The following VTI1A variants were observed in gnomAD, a reference collection of about 807,000 sequenced individuals.
VTI1A encodes vesicle transport through interaction with t-SNAREs homolog 1A.
Under a neutral mutation model 34.9 loss-of-function variants are expected in VTI1A, and 22 were observed. That is an observed-to-expected ratio of 0.63 (90% CI 0.45 to 0.90). VTI1A has a LOEUF of 0.90. VTI1A is among the 40% of genes least tolerant of loss of function. The pLI is 0.00. For missense variants in VTI1A, 268 were observed against 275.6 expected, an observed-to-expected ratio of 0.97 and a Z score of 0.20; for synonymous variants, 87 against 97.3, an observed-to-expected ratio of 0.89 and a Z score of 0.62.
chr10:112,461,545 T>C (rs1847727962), intron 2 of VTI1A, among the ~76,000 whole-genome samples: 1 of 152,226 alleles, frequency 6.6e-6, no homozygotes, highest in Non-Finnish European at 1.5e-5. Flanking sequence ...CCTAGTTTGC[T>C]AAACTCAGAG....
At chr10:112,596,610 AT>A (rs1249765808) in intron 5 of VTI1A, among the ~76,000 whole-genome samples, 2 of 152,148 alleles carry the variant, frequency 1.3e-5, no homozygotes, top group East Asian at 3.9e-4. Context: ...AAGATTTTTA[AT>A]GTATTATACC....
intron 5 of VTI1A, among the ~76,000 whole-genome samples, chr10:112,577,636 A>G (rs1843759124): frequency 6.6e-6 from 1 of 152,252 alleles, no homozygotes; most frequent in East Asian, 1.9e-4. Context: ...AGCTTCTAAT[A>G]TGTTCTTATT....
intron 7 of VTI1A, among the ~76,000 whole-genome samples, chr10:112,711,549 C>T (rs558040407): frequency 6.6e-6 from 1 of 152,324 alleles, no homozygotes; most frequent in South Asian, 2.1e-4. Context: ...TGGTGAGCTT[C>T]AGGCCATACT....
intron 7 of VTI1A, among the ~76,000 whole-genome samples, chr10:112,743,250 G>GC (rs1460767525): frequency 6.6e-6 from 1 of 152,154 alleles, no homozygotes; most frequent in African/African-American, 2.4e-5. Context: ...GCAACAATGA[G>GC]CAGACCCATT....
At chr10:112,707,477 G>T (rs1200869551) in intron 7 of VTI1A, among the ~76,000 whole-genome samples, 2 of 152,058 alleles carry the variant, frequency 1.3e-5, no homozygotes, top group African/African-American at 4.8e-5. Context: ...GGGATTACAG[G>T]CACGCGCCCC....
intron 7 of VTI1A, among the ~76,000 whole-genome samples, chr10:112,798,831 C>G (rs1199705873): frequency 6.6e-6 from 1 of 152,172 alleles, no homozygotes; most frequent in Non-Finnish European, 1.5e-5. Context: ...CAAGAGAGAC[C>G]TCTGGCTTTC....
intron 7 of VTI1A, among the ~76,000 whole-genome samples, chr10:112,809,523 C>G (rs1027279152): frequency 3.9e-5 from 6 of 152,200 alleles, no homozygotes; most frequent in Non-Finnish European, 7.3e-5. Context: ...GGATGCTGCT[C>G]TGAACCTGTA....
intron 5 of VTI1A, among the ~76,000 whole-genome samples, chr10:112,544,807 A>C (rs1308611881): frequency 1.3e-5 from 2 of 152,160 alleles, no homozygotes; most frequent in African/African-American, 4.8e-5. Flanking sequence ...GAATGTGCTC[A>C]GGATGTTCAG....
chr10:112,687,850 C>A (rs1164532967), intron 7 of VTI1A, among the ~76,000 whole-genome samples: 2 of 151,468 alleles, frequency 1.3e-5, no homozygotes, highest in African/African-American at 4.9e-5. Flanking sequence ...TACTGCAGAA[C>A]ATCTTGGCCT....
At chr10:112,828,098 T>C in the VTI1A span, among the ~76,000 whole-genome samples, 1 of 152,060 alleles carries the variant, frequency 6.6e-6, no homozygotes. Flanking sequence ...GAAGATTCAA[T>C]TAGGTCGCCG....
chr10:112,820,916 G>T (rs948568733), downstream of VTI1A, among the ~76,000 whole-genome samples: 6 of 152,098 alleles, frequency 3.9e-5, no homozygotes, highest in African/African-American at 1.4e-4. Context: ...GGGCAAGTAG[G>T]CCCCCTTGAG....
intron 5 of VTI1A, among the ~76,000 whole-genome samples, chr10:112,598,675 A>G (rs571168786): frequency 3.3e-5 from 5 of 152,310 alleles, no homozygotes; most frequent in African/African-American, 1.2e-4. Context: ...GACCCAAATA[A>G]TGGAGAACAA....
intron 5 of VTI1A, among the ~76,000 whole-genome samples, chr10:112,590,430 C>A (rs1844346642): frequency 1.3e-5 from 2 of 152,118 alleles, no homozygotes; most frequent in South Asian, 4.1e-4. Context: ...CAGTGACTTA[C>A]ACTTGCAATC....
At chr10:112,537,654 T>C (rs1850697642) in intron 4 of VTI1A, among the ~76,000 whole-genome samples, 2 of 152,158 alleles carry the variant, frequency 1.3e-5, no homozygotes, top group Admixed American at 1.3e-4. Context: ...TCTATGTAAA[T>C]GGAGAAACAT....
chr10:112,634,514 T>G (rs200207981), intron 5 of VTI1A, among the ~76,000 whole-genome samples: 6 of 144,324 alleles, frequency 4.2e-5, no homozygotes, highest in African/African-American at 1.6e-4. Context: ...CACACACACA[T>G]ACACACACAC....
chr10:112,613,861 C>T (rs1564849080), intron 5 of VTI1A, among the ~76,000 whole-genome samples: 1 of 152,230 alleles, frequency 6.6e-6, no homozygotes, highest in African/African-American at 2.4e-5. Flanking sequence ...CGATACTGTA[C>T]ATGCGAGTCT....
chr10:112,717,944 C>T lies in VTI1A; in HGVS notation c.560+48946C>T, dbSNP rs1007333354. On this transcript the variant is annotated intron_variant, in intron 7 of 7. Coordinates refer to ENST00000393077, the MANE Select transcript of VTI1A (RefSeq NM_145206.4). ...TTTAAGTTACCTAAAAATTAATTTACTCATTACGGTGTCGCCCACAACCTT... is the reference window on the plus strand; with the variant it reads ...TTTAAGTTACCTAAAAATTAATTTATTCATTACGGTGTCGCCCACAACCTT... 3.3e-5 allele frequency among the ~76,000 whole-genome samples: 5 copies of T among 152,170 alleles called. No homozygotes were observed. The South Asian group carries it at 8.3e-4, about 25-fold the overall frequency.
At chr10:112,602,831 A>G (rs1237972848) in intron 5 of VTI1A, among the ~76,000 whole-genome samples, 2 of 152,216 alleles carry the variant, frequency 1.3e-5, no homozygotes, top group Admixed American at 6.5e-5. Flanking sequence ...GATTTTTTTT[A>G]TGAAAGCCTA....
rs1428649096 is a variant in VTI1A at position 112,817,040 on chromosome 10, C to G, written c.*1657C>G. 2 of 232,350 alleles carry G rather than the reference C, an allele frequency of 8.6e-6. No homozygotes were observed. Among genetic ancestry groups the G allele is most frequent in the African/African-American group, 4.4e-5 (2 of 45,316 alleles). 14.4% of individuals were successfully genotyped at this position (232,350 alleles called of 1,614,324 possible). On this transcript the variant is annotated 3_prime_UTR_variant, in exon 8 of 8. Transcript: ENST00000393077. ...GGAGCAGGAAGCTATGCTAATTTTC[C>G]TGTCAGCTTAAGGGATCCGTCTCAG...
Sources: gnomAD v4.1 joint callset for allele counts (sites outside exome capture counted in the v4.1 genomes callset) on GRCh38, gnomAD v4.1.1 for gene constraint, MANE v1.5 for transcripts, NCBI Gene and HGNC (gene_info 2026-07-23, HGNC 2026-07-21) for gene names.